Variants in SCRG1 observed in about 807,000 individuals in gnomAD.
The protein encoded by SCRG1 is stimulator of chondrogenesis 1, also known as scrapie-responsive protein 1.
A neutral mutation model predicts 7.7 loss-of-function variants in SCRG1; 3 were observed. The observed-to-expected ratio is 0.39, with a 90% CI of 0.18 to 1.01. The LOEUF is 1.01. Among genes scored for constraint, SCRG1 ranks in the 50% least tolerant of loss-of-function variants. The probability of loss-of-function intolerance (pLI) is 0.36; values close to 1 mark genes in which losing one functional copy is unlikely to be tolerated. For synonymous variants in SCRG1, 46 were observed against 41.2 expected (o/e 1.12, Z -0.44); for missense variants, 110 against 117.2 (o/e 0.94, Z 0.28).
At chr4:173,453,093 T>C in the SCRG1 span, among the ~76,000 whole-genome samples, 1 of 152,282 alleles carries the variant, frequency 6.6e-6, no homozygotes, top group African/African-American at 2.4e-5. Context: ...CAGGCCCCAA[T>C]TCCCACCAGG....
upstream of SCRG1, among the ~76,000 whole-genome samples, chr4:173,409,316 C>G (rs1739989393): frequency 6.6e-6 from 1 of 152,164 alleles, no homozygotes; most frequent in South Asian, 2.1e-4. Flanking sequence ...AATCTTCCTT[C>G]TACCTCTTTT....
At chr4:173,485,058 T>A in the SCRG1 span, among the ~76,000 whole-genome samples, 1 of 9,012 alleles carries the variant, frequency 1.1e-4, no homozygotes, top group Non-Finnish European at 2.5e-4. Context: ...TAATATATTA[T>A]ATATTATATA....
At chr4:173,435,118 ATGTGTGTGTG>A in the SCRG1 span, among the ~76,000 whole-genome samples, 432 of 151,364 alleles carry the variant, frequency 2.9e-3, 1 homozygote, top group African/African-American at 9.4e-3. Context: ...ATATATATCT[ATGTGTGTGTG>A]TGTGTGTGTG....
chr4:173,490,669 C>T, the SCRG1 span, among the ~76,000 whole-genome samples: 194 of 152,286 alleles, frequency 1.3e-3, no homozygotes, highest in African/African-American at 4.4e-3. Context: ...TTGACTGTTT[C>T]CCCCTAGGCT....
At chr4:173,490,841 G>C in the SCRG1 span, among the ~76,000 whole-genome samples, 1 of 151,984 alleles carries the variant, frequency 6.6e-6, no homozygotes, top group African/African-American at 2.4e-5. Context: ...AAGTTTTCAG[G>C]GGCAGGTCTT....
At chr4:173,511,162 G>C in the SCRG1 span, among the ~76,000 whole-genome samples, 8 of 151,970 alleles carry the variant, frequency 5.3e-5, no homozygotes, top group East Asian at 1.2e-3. This position sits in a 1 kb window ranked among gnomAD's most constrained non-coding sequence, Gnocchi z 5.2. Context: ...GAGACGGGGT[G>C]GGGGGGTGTT....
chr4:173,453,512 G>A, the SCRG1 span, among the ~76,000 whole-genome samples: 1 of 152,144 alleles, frequency 6.6e-6, no homozygotes, highest in African/African-American at 2.4e-5. Context: ...ATATGGTATA[G>A]CCTATTGCTC....
At chr4:173,403,475 C>T (rs530309595), upstream of SCRG1, among the ~76,000 whole-genome samples, 2 of 152,096 alleles carry the variant, frequency 1.3e-5, no homozygotes, top group South Asian at 2.1e-4. Context: ...CCTTCGTCTG[C>T]GCCGCCCCGG....
chr4:173,412,009 C>T, the SCRG1 span, among the ~76,000 whole-genome samples: 1 of 152,206 alleles, frequency 6.6e-6, no homozygotes, highest in Admixed American at 6.5e-5. Context: ...ACAACCCTGT[C>T]ACTAGCCCAG....
At chr4:173,443,279 G>A in the SCRG1 span, among the ~76,000 whole-genome samples, 1 of 152,248 alleles carries the variant, frequency 6.6e-6, no homozygotes. Flanking sequence ...TATCAACAAA[G>A]CTGGACAACA....
chr4:173,506,705 T>TCC, the SCRG1 span, among the ~76,000 whole-genome samples: 5 of 152,100 alleles, frequency 3.3e-5, no homozygotes, highest in African/African-American at 1.2e-4. The surrounding 1 kb of genome is among the most constrained non-coding windows in gnomAD (Gnocchi z 5.3). Flanking sequence ...ACCTCTAACT[T>TCC]CCCTTCACTT....
chr4:173,410,760 T>A (rs1740018552), upstream of SCRG1, among the ~76,000 whole-genome samples: 1 of 152,212 alleles, frequency 6.6e-6, no homozygotes. Flanking sequence ...TAAATTTGTT[T>A]GACTACTGGA....
chr4:173,387,708 T>C lies in SCRG1; in HGVS notation c.*633A>G, dbSNP rs1739281393. The C allele has an allele frequency of 7.6e-6, 1 of 131,842 alleles. No individual in the cohort carries two copies. The highest frequency in any genetic ancestry group is 1.6e-5 in the Non-Finnish European group (1 of 62,120). 8.2% of individuals were successfully genotyped at this position (131,842 alleles called of 1,614,324 possible). A position where few individuals can be genotyped will look rare whatever the true frequency, so the allele number is the denominator to read the frequency against. ...CCTCAAATATTGTTCCCTTTTCCTT[T>C]TTTTTTTTTTTTTTTTTTTTTCGAG... On this transcript the variant is annotated 3_prime_UTR_variant, in exon 3 of 3. Coordinates refer to ENST00000296506, the MANE Select transcript of SCRG1 (RefSeq NM_007281.4).
the SCRG1 span, among the ~76,000 whole-genome samples, chr4:173,438,713 A>C: frequency 6.6e-6 from 1 of 152,106 alleles, no homozygotes; most frequent in Non-Finnish European, 1.5e-5. Context: ...TTTTTCAATA[A>C]ATCTTTTTTT....
chr4:173,389,252 CGGCCG>C (rs1191370295), intron 2 of SCRG1, among the ~76,000 whole-genome samples: 2 of 151,298 alleles, frequency 1.3e-5, no homozygotes, highest in Non-Finnish European at 2.9e-5. Context: ...TGCTGGGTCC[CGGCCG>C]GGCGCAGTGG....
the SCRG1 span, among the ~76,000 whole-genome samples, chr4:173,477,944 T>C: frequency 6.6e-6 from 1 of 151,990 alleles, no homozygotes; most frequent in Non-Finnish European, 1.5e-5. Context: ...AATTTTTTAA[T>C]TTTTTGGTAG....
chr4:173,503,283 A>G, the SCRG1 span, among the ~76,000 whole-genome samples: 1 of 152,214 alleles, frequency 6.6e-6, no homozygotes, highest in Non-Finnish European at 1.5e-5. This position sits in a 1 kb window ranked among gnomAD's most constrained non-coding sequence, Gnocchi z 6.4. Flanking sequence ...GGCCAGCTTC[A>G]GGGACCATCA....
At chr4:173,475,488 T>G in the SCRG1 span, among the ~76,000 whole-genome samples, 1 of 152,218 alleles carries the variant, frequency 6.6e-6, no homozygotes, top group Non-Finnish European at 1.5e-5. Context: ...CCTTGTACAT[T>G]GCTGGTGGGA....
chr4:173,417,127 CAGAG>C, the SCRG1 span, among the ~76,000 whole-genome samples: 39 of 151,768 alleles, frequency 2.6e-4, no homozygotes, highest in Admixed American at 1.8e-3. Context: ...CACACACAGA[CAGAG>C]AGACACACAC....
Sources: allele counts gnomAD v4.1 joint callset (sites outside exome capture counted in the v4.1 genomes callset), GRCh38; gene constraint gnomAD v4.1.1; non-coding constraint Gnocchi (gnomAD v3.1); transcripts MANE v1.5; gene names NCBI Gene and HGNC (gene_info 2026-07-23, HGNC 2026-07-21).